The following ENPP2 variants were observed in gnomAD, a reference collection of about 807,000 sequenced individuals.
ENPP2 encodes ectonucleotide pyrophosphatase/phosphodiesterase 2.
ENPP2 carries 51 observed loss-of-function variants against 120.2 expected under a neutral mutation model. The ratio of observed to expected loss-of-function variants is 0.42; its 90% confidence interval spans 0.34 to 0.54. ENPP2 has a LOEUF of 0.54. Ranked by LOEUF, ENPP2 falls within the 20% of genes least tolerant of loss-of-function variation. The pLI is 0.04. For missense variants in ENPP2, 920 were observed against 1,066.5 expected (o/e 0.86, Z 1.91); for synonymous variants, 365 against 366.4 (o/e 1.00, Z 0.04).
intron 19 of ENPP2, chr8:119,571,937 G>A (rs553761225): frequency 7.0e-5 from 27 of 383,996 alleles, no homozygotes; most frequent in Non-Finnish European, 1.2e-4. Flanking sequence ...GAGACAAAGC[G>A]GCCCACACTA....
At position 119,593,745 on chromosome 8, in the gene ENPP2, GC is replaced by G; in HGVS notation, c.1081+6del. On this transcript the variant is annotated splice_donor_region_variant and intron_variant, in intron 12 of 24. Transcript: ENST00000075322. ...ATCCTATTAGCAAAGAAAAAACAAAGCTTTACCATGGTCTCCGACAAAGATG... is the reference window on the plus strand; with the variant it reads ...ATCCTATTAGCAAAGAAAAAACAAAGTTTACCATGGTCTCCGACAAAGATG... 1 of 1,556,400 alleles carries G rather than the reference GC, an allele frequency of 6.4e-7. No homozygotes were observed. Among genetic ancestry groups the G allele is most frequent in the Non-Finnish European group, 8.9e-7 (1 of 1,127,506 alleles).
intron 3 of ENPP2, among the ~76,000 whole-genome samples, chr8:119,624,272 T>C (rs945069041): frequency 6.6e-6 from 1 of 152,220 alleles, no homozygotes; most frequent in Admixed American, 6.5e-5. Context: ...GTCAGTCATC[T>C]GTGTAATTTT....
At chr8:119,663,133 A>AAAAG (rs1563780783) in intron 1 of ENPP2, among the ~76,000 whole-genome samples, 67 of 146,510 alleles carry the variant, frequency 4.6e-4, no homozygotes, top group Admixed American at 5.6e-4. Flanking sequence ...AAAAAAAAAA[A>AAAAG]AAAGAAAGAA....
chr8:119,651,720 A>C (rs1006174038), intron 1 of ENPP2, among the ~76,000 whole-genome samples: 2 of 152,180 alleles, frequency 1.3e-5, no homozygotes, highest in African/African-American at 4.8e-5. Flanking sequence ...TGTGACCCCC[A>C]AAAAGAATAG....
intron 9 of ENPP2, among the ~76,000 whole-genome samples, chr8:119,605,460 G>A (rs1814646514): frequency 2.0e-5 from 3 of 149,894 alleles, no homozygotes; most frequent in African/African-American, 7.4e-5. Context: ...GTGTGTGTGT[G>A]TGTGTATTTT....
chr8:119,633,392 G>T (rs999427135), intron 2 of ENPP2, among the ~76,000 whole-genome samples: 2 of 152,198 alleles, frequency 1.3e-5, no homozygotes, highest in African/African-American at 4.8e-5. Flanking sequence ...TCTTAGCCCA[G>T]GTATTTCCTG....
intron 2 of ENPP2, 50 bp from the exon 3 acceptor site, chr8:119,626,770 C>A: frequency 6.3e-7 from 1 of 1,577,430 alleles, no homozygotes; most frequent in Non-Finnish European, 8.7e-7. Flanking sequence ...GGTCATGTCA[C>A]CATGGAAAGG....
At position 119,619,314 on chromosome 8, in the gene ENPP2, A is replaced by G. The variant is rs532169051; in HGVS notation, c.419-10T>C. ...ACCCAATGCGACTCTCCTATAAGGAAAAATGGGTAAATGTATTGTTGAATC... is the reference window on the plus strand; with the variant it reads ...ACCCAATGCGACTCTCCTATAAGGAGAAATGGGTAAATGTATTGTTGAATC... On this transcript the variant is annotated splice_polypyrimidine_tract_variant and intron_variant, in intron 4 of 24. Transcript: ENST00000075322. 17 of 1,592,076 alleles carry G rather than the reference A, an allele frequency of 1.1e-5. No homozygotes were observed. In the South Asian group the frequency reaches 1.7e-4, roughly 16 times the overall value.
chr8:119,671,396 G>A (rs1392292052), intron 1 of ENPP2, among the ~76,000 whole-genome samples: 1 of 152,218 alleles, frequency 6.6e-6, no homozygotes, highest in Non-Finnish European at 1.5e-5. Context: ...ATGGGAAGTT[G>A]TGGCCAGAAT....
chr8:119,653,390 A>C (rs1286902995), intron 1 of ENPP2, among the ~76,000 whole-genome samples: 1 of 152,254 alleles, frequency 6.6e-6, no homozygotes, highest in Non-Finnish European at 1.5e-5. Flanking sequence ...AAAGAGCACA[A>C]GAGCAAGAAA....
At chr8:119,590,186 A>T (rs1813398891) in intron 13 of ENPP2, among the ~76,000 whole-genome samples, 1 of 152,224 alleles carries the variant, frequency 6.6e-6, no homozygotes, top group African/African-American at 2.4e-5. Context: ...GTTTATGGTC[A>T]TGAATATGCT....
At chr8:119,626,336 C>T (rs1480717369) in intron 3 of ENPP2, among the ~76,000 whole-genome samples, 3 of 152,154 alleles carry the variant, frequency 2.0e-5, no homozygotes, top group African/African-American at 7.2e-5. Context: ...GCAAAACCAG[C>T]ACATCATGAC....
chr8:119,667,181 T>C (rs112659079), intron 1 of ENPP2, among the ~76,000 whole-genome samples: 52 of 152,232 alleles, frequency 3.4e-4, no homozygotes, highest in Admixed American at 1.0e-3. Context: ...ATGCCTTAAA[T>C]ACCAAGCTCA....
intron 11 of ENPP2, chr8:119,596,054 G>A: frequency 1.3e-6 from 2 of 1,558,434 alleles, no homozygotes; most frequent in Non-Finnish European, 1.8e-6. Flanking sequence ...GTCCCTCTGA[G>A]TCAGATATAA....
At chr8:119,635,062 T>A (rs1006472724) in intron 2 of ENPP2, among the ~76,000 whole-genome samples, 5 of 152,184 alleles carry the variant, frequency 3.3e-5, no homozygotes, top group Non-Finnish European at 7.3e-5. Context: ...CTGATCTACG[T>A]CCCCTTTACA....
intron 1 of ENPP2, among the ~76,000 whole-genome samples, chr8:119,659,952 T>G (rs1305662047): frequency 6.6e-6 from 1 of 152,200 alleles, no homozygotes; most frequent in African/African-American, 2.4e-5. Flanking sequence ...AATCACTGGA[T>G]AAACATCTTA....
At chr8:119,611,747 C>T (rs1010163751) in intron 8 of ENPP2, among the ~76,000 whole-genome samples, 2 of 152,122 alleles carry the variant, frequency 1.3e-5, no homozygotes, top group Non-Finnish European at 2.9e-5. Context: ...GTGGTCAGGC[C>T]GGGCGCCGTG....
At chr8:119,584,196 A>G (rs1812947481) in intron 15 of ENPP2, 147 bp from the exon 16 acceptor site, 4 of 613,720 alleles carry the variant, frequency 6.5e-6, no homozygotes, top group South Asian at 3.9e-5. Flanking sequence ...GATGATGAAA[A>G]GAGGATCCTA....
chr8:119,592,618 C>G (rs1230270516), intron 12 of ENPP2, among the ~76,000 whole-genome samples: 1 of 120,502 alleles, frequency 8.3e-6, no homozygotes, highest in Non-Finnish European at 1.7e-5. Context: ...CAGCACATAT[C>G]ATTGGGACCC....
Sources: gnomAD v4.1 joint callset for allele counts (sites outside exome capture counted in the v4.1 genomes callset) on GRCh38, gnomAD v4.1.1 for gene constraint, MANE v1.5 for transcripts, NCBI Gene and HGNC (gene_info 2026-07-23, HGNC 2026-07-21) for gene names.